The following NRXN1 variants were observed in gnomAD, a reference collection of about 807,000 sequenced individuals.
NRXN1 encodes the protein neurexin-1.
Under a neutral mutation model 150.9 loss-of-function variants are expected in NRXN1, and 39 were observed. The observed-to-expected ratio is 0.26, with a 90% CI of 0.20 to 0.34. The LOEUF (loss-of-function observed/expected upper bound fraction) is 0.34. NRXN1 is among the 10% of genes least tolerant of loss of function. NRXN1 has a pLI of 1.00. For synonymous variants in NRXN1, 924 were observed against 757.0 expected (o/e 1.22, Z -3.62); for missense variants, 1,815 against 1,949.9 (o/e 0.93, Z 1.30).
chr2:50,479,975 C>T (rs7605064), intron 15 of NRXN1, among the ~76,000 whole-genome samples: 82,150 of 151,540 alleles, frequency 0.54, 22,588 homozygotes, highest in Middle Eastern at 0.59. Flanking sequence ...GGTTTCACCG[C>T]GTTGGCCAGG....
At chr2:50,635,901 G>A (rs960750081) in intron 5 of NRXN1, among the ~76,000 whole-genome samples, 6 of 152,132 alleles carry the variant, frequency 3.9e-5, no homozygotes, top group African/African-American at 1.4e-4. Context: ...TTTTCTTTCA[G>A]AAGGTTCTAA....
chr2:50,282,482 G>A (rs2071586694), intron 17 of NRXN1, among the ~76,000 whole-genome samples: 1 of 152,120 alleles, frequency 6.6e-6, no homozygotes, highest in African/African-American at 2.4e-5. Context: ...AAATCTGAGT[G>A]TATGGAGGGA....
chr2:51,027,519 C>T lies in NRXN1; in HGVS notation c.755G>A (p.Gly252Asp). Residue 252 changes from glycine (G) to aspartate (D), a missense_variant, in exon 2 of 23, where the codon GGC (glycine) becomes GAC (aspartate). Physicochemically the swap from Gly to Asp is moderately conservative, Grantham distance 94 (BLOSUM62 -1). Coordinates refer to ENST00000401669, the MANE Select transcript of NRXN1 (RefSeq NM_001330078.2). ...GGCCTTACCTTGGCTGCAGTCCTTG[C>T]CGCGGAAGCCGGTTCGCGAGCAGTC... is the stretch of plus-strand genomic sequence containing the variant. ...VCDCSRTGFR[G>D]KDCSQEDNNV... 3 of 1,543,124 alleles carry T rather than the reference C, an allele frequency of 1.9e-6. No homozygotes were observed. Among genetic ancestry groups the T allele is most frequent in the Non-Finnish European group, 2.6e-6 (3 of 1,141,646 alleles).
chr2:50,692,519 A>G (rs139788211), intron 5 of NRXN1, among the ~76,000 whole-genome samples: 77 of 152,264 alleles, frequency 5.1e-4, no homozygotes, highest in African/African-American at 1.7e-3. Context: ...ACATGTTTAA[A>G]ATTCTAATCA....
intron 21 of NRXN1, among the ~76,000 whole-genome samples, chr2:50,047,360 G>A (rs182339105): frequency 1.0e-3 from 155 of 151,844 alleles, no homozygotes; most frequent in Non-Finnish European, 2.1e-3. Context: ...ATATATATAT[G>A]TTCTGCAGGA....
At chr2:50,282,444 T>C (rs2071582641) in intron 17 of NRXN1, among the ~76,000 whole-genome samples, 1 of 152,170 alleles carries the variant, frequency 6.6e-6, no homozygotes, top group African/African-American at 2.4e-5. Context: ...CCAAATTCTG[T>C]TGGAAAATAC....
chr2:50,116,761 T>TA (rs1283566381), intron 18 of NRXN1, among the ~76,000 whole-genome samples: 1 of 152,082 alleles, frequency 6.6e-6, no homozygotes, highest in Non-Finnish European at 1.5e-5. Flanking sequence ...AGTTAACATT[T>TA]AAAAAACAAA....
intron 2 of NRXN1, among the ~76,000 whole-genome samples, chr2:50,951,301 C>G (rs1323819843): frequency 6.6e-6 from 1 of 152,090 alleles, no homozygotes; most frequent in Non-Finnish European, 1.5e-5. Context: ...TTCACAGGAT[C>G]AGAGAATGTG....
chr2:50,914,136 G>A lies in NRXN1; in HGVS notation c.832+7733C>T, dbSNP rs191458378. ...CCTACCATTGTAGTTCTTCAGCACAGGTTCTATGGCTTAGGACAGCCGGCT... is the reference window on the plus strand; with the variant it reads ...CCTACCATTGTAGTTCTTCAGCACAAGTTCTATGGCTTAGGACAGCCGGCT... On this transcript the variant is annotated intron_variant, in intron 5 of 22. Transcript: ENST00000401669. 1.1e-3 allele frequency among the ~76,000 whole-genome samples: 168 copies of A among 151,788 alleles called. 1 individual carries two copies. Among genetic ancestry groups the A allele is most frequent in the Middle Eastern group, 0.01 (3 of 294 alleles).
Position 50,585,043 on chromosome 2 carries a change from G to C in NRXN1, c.1321-32018C>G, listed in dbSNP as rs75160310. On this transcript the variant is annotated intron_variant, in intron 8 of 22. Transcript: ENST00000401669. ...AAAAATAAAAGTTTTAGGTCCCTAA[G>C]AATAAATTTACATACCTCACCCTCT... Among the ~76,000 whole-genome samples the C allele has an allele frequency of 3.9e-4, 60 of 152,162 alleles. 1 individual carries two copies. The highest frequency in any genetic ancestry group is 1.4e-3 in the African/African-American group (59 of 41,504).
chr2:50,273,697 C>T (rs1222456346), intron 17 of NRXN1, among the ~76,000 whole-genome samples: 3 of 151,936 alleles, frequency 2.0e-5, no homozygotes, highest in African/African-American at 7.3e-5. Context: ...ATACACAACC[C>T]AAAGTCCATG....
At chr2:50,444,476 G>A (rs2086229626) in intron 17 of NRXN1, among the ~76,000 whole-genome samples, 1 of 152,060 alleles carries the variant, frequency 6.6e-6, no homozygotes, top group Non-Finnish European at 1.5e-5. Context: ...CTGCAGATGA[G>A]TCATAGGATT....
chr2:50,983,797 A>T (rs1367210950), intron 2 of NRXN1, among the ~76,000 whole-genome samples: 1 of 152,108 alleles, frequency 6.6e-6, no homozygotes, highest in Non-Finnish European at 1.5e-5. Flanking sequence ...TTTCATAGTG[A>T]CTTTCACCTT....
At chr2:50,248,443 G>A (rs1307267315) in intron 17 of NRXN1, among the ~76,000 whole-genome samples, 1 of 152,122 alleles carries the variant, frequency 6.6e-6, no homozygotes, top group Admixed American at 6.6e-5. Context: ...GCATTTAGAG[G>A]TGGGCAGAAG....
At chr2:50,037,221 AT>A (rs138511234) in intron 21 of NRXN1, among the ~76,000 whole-genome samples, 1,762 of 152,194 alleles carry the variant, frequency 0.012, 33 homozygotes, top group African/African-American at 0.04. Context: ...TGAGTGTAAA[AT>A]TTTTATCTCC....
chr2:50,295,689 A>T (rs2073478048), intron 17 of NRXN1, among the ~76,000 whole-genome samples: 3 of 152,202 alleles, frequency 2.0e-5, no homozygotes. Flanking sequence ...GGACATTTGC[A>T]GACTGATTTC....
At chr2:50,803,076 T>C (rs1157491877) in intron 5 of NRXN1, among the ~76,000 whole-genome samples, 1 of 152,172 alleles carries the variant, frequency 6.6e-6, no homozygotes, top group Non-Finnish European at 1.5e-5. Flanking sequence ...TCAACTCTTT[T>C]TCCAGTATTA....
intron 19 of NRXN1, among the ~76,000 whole-genome samples, chr2:50,058,238 A>T (rs972263494): frequency 2.0e-5 from 3 of 152,134 alleles, no homozygotes; most frequent in Non-Finnish European, 4.4e-5. Flanking sequence ...CCCAATGATT[A>T]ACAGAGGTCA....
In NRXN1 at chr2:50,609,752, C is replaced by T. The variant is rs1344265050; in HGVS notation, c.1320+10270G>A. ...TTAGAAACCTAGGCTCACAAAAATA[C>T]GTCCATATTTCAAGGGCAATTCACT... On this transcript the variant is annotated intron_variant, in intron 8 of 22. Coordinates refer to ENST00000401669, the MANE Select transcript of NRXN1 (RefSeq NM_001330078.2). Among the ~76,000 whole-genome samples, 7 of 152,092 alleles carry T rather than the reference C, an allele frequency of 4.6e-5. No homozygotes were observed. In the East Asian group the frequency reaches 5.8e-4, roughly 13 times the overall value.
Sources: gnomAD v4.1 joint callset for allele counts (sites outside exome capture counted in the v4.1 genomes callset) on GRCh38, gnomAD v4.1.1 for gene constraint, MANE v1.5 for transcripts, NCBI Gene and HGNC (gene_info 2026-07-23, HGNC 2026-07-21) for gene names.